Variants in PCDHAC1 observed in about 807,000 individuals in gnomAD.
The protein encoded by PCDHAC1 is protocadherin alpha subfamily C, 1, also known as protocadherin alpha-C1.
A neutral mutation model predicts 60.0 loss-of-function variants in PCDHAC1; 42 were observed. That is an observed-to-expected ratio of 0.70 (90% CI 0.55 to 0.90). The LOEUF (loss-of-function observed/expected upper bound fraction) is 0.90, where lower values mean the gene tolerates loss of function less well. PCDHAC1 is among the 40% of genes least tolerant of loss of function. The probability of loss-of-function intolerance (pLI) is 0.00; values close to 1 mark genes in which losing one functional copy is unlikely to be tolerated. For synonymous variants in PCDHAC1, 468 were observed against 499.3 expected (o/e 0.94, Z 0.84); for missense variants, 1,160 against 1,222.3 (o/e 0.95, Z 0.76).
intron 3 of PCDHAC1, among the ~76,000 whole-genome samples, chr5:141,002,059 G>T (rs983772482): frequency 6.6e-6 from 1 of 152,242 alleles, no homozygotes; most frequent in East Asian, 1.9e-4. Flanking sequence ...AGAGGCAGCA[G>T]CAGCCGCCAG....
chr5:140,967,087 G>A (rs782556858), intron 1 of PCDHAC1: 5 of 1,613,256 alleles, frequency 3.1e-6, no homozygotes, highest in South Asian at 1.1e-5. Flanking sequence ...GCATTGATCG[G>A]GAGGCGCTGT....
chr5:140,987,563 T>C (rs2097259374), intron 3 of PCDHAC1, among the ~76,000 whole-genome samples: 1 of 152,226 alleles, frequency 6.6e-6, no homozygotes, highest in Non-Finnish European at 1.5e-5. Context: ...ATTCTCAGTT[T>C]CTTTCTCTAT....
At chr5:140,933,338 G>T (rs2089065952) in intron 1 of PCDHAC1, among the ~76,000 whole-genome samples, 1 of 151,926 alleles carries the variant, frequency 6.6e-6, no homozygotes, top group South Asian at 2.1e-4. Context: ...TGTAGAGAAA[G>T]ATAAACACTT....
At chr5:140,952,180 T>C (rs1034052117) in intron 1 of PCDHAC1, among the ~76,000 whole-genome samples, 4 of 151,968 alleles carry the variant, frequency 2.6e-5, no homozygotes, top group Admixed American at 2.0e-4. Context: ...CTGCAGCTGC[T>C]CTCATGGGTT....
At chr5:140,996,087 G>C (rs1178912945) in intron 3 of PCDHAC1, among the ~76,000 whole-genome samples, 3 of 152,200 alleles carry the variant, frequency 2.0e-5, no homozygotes, top group Non-Finnish European at 4.4e-5. Flanking sequence ...GTTTTTGCTA[G>C]ATTACATGGA....
chr5:140,993,265 C>A (rs1196226593), intron 3 of PCDHAC1, among the ~76,000 whole-genome samples: 1 of 152,062 alleles, frequency 6.6e-6, no homozygotes, highest in Non-Finnish European at 1.5e-5. Flanking sequence ...AAATTAGCTT[C>A]TTTGGTCTTT....
At chr5:140,971,376 C>CT (rs1334633165) in intron 1 of PCDHAC1, among the ~76,000 whole-genome samples, 1 of 152,164 alleles carries the variant, frequency 6.6e-6, no homozygotes, top group Non-Finnish European at 1.5e-5. Context: ...GAGTGCATGA[C>CT]TTTAATAAAG....
intron 3 of PCDHAC1, among the ~76,000 whole-genome samples, chr5:141,000,634 G>A (rs1554257716): frequency 6.6e-6 from 1 of 150,928 alleles, no homozygotes; most frequent in Non-Finnish European, 1.5e-5. Context: ...CACCATGTTG[G>A]GCAGGCTGGT....
rs1343982131 is a variant in PCDHAC1 at position 140,927,295 on chromosome 5, G to T, written c.403G>T (p.Glu135Ter). Residue 135 changes from glutamate (E) to a stop codon, truncating the protein, a stop_gained, in exon 1 of 4, where the codon GAG (glutamate) becomes TAG (stop). Coordinates refer to ENST00000253807, the MANE Select transcript of PCDHAC1 (RefSeq NM_018898.5). LOFTEE classifies it high-confidence loss of function. Reference sequence around the variant, plus strand: ...CGGCGACGTGCAGCTGCACATCCCCGAGTTCCTGACGCCCGGAGCCCGCTT... The same window carrying T: ...CGGCGACGTGCAGCTGCACATCCCCTAGTTCCTGACGCCCGGAGCCCGCTT... Reference protein sequence around the residue: ...PAGDVQLHIPEFLTPGARFTL... With the variant: ...PAGDVQLHIP 2 of 1,614,032 alleles carry T rather than the reference G, an allele frequency of 1.2e-6. No homozygotes were observed. Among genetic ancestry groups the T allele is most frequent in the African/African-American group, 2.7e-5 (2 of 74,918 alleles).
rs79247475 is a variant in PCDHAC1 at position 140,982,540 on chromosome 5, C to G, written c.2558C>G (p.Pro853Arg). The G allele has an allele frequency of 4.3e-3, 6,927 of 1,614,122 alleles. 34 individuals are homozygous for G. The highest frequency in any genetic ancestry group is 5.0e-3 in the South Asian group (455 of 91,080). Residue 853 changes from proline to arginine, a missense_variant, in exon 3 of 4, where the codon CCA becomes CGA. Physicochemically the swap from Pro to Arg is moderately radical, Grantham distance 103. Around this residue, in one of 3 missense-constraint regions of PCDHAC1, gnomAD observed 1,113 missense variants for 1,163.7 expected, o/e 0.96. Transcript: ENST00000253807. ...AGPGGPDQQW[P>R]TVSSATPEPE... ...CCAGGAGGGCCTGATCAGCAGTGGC[C>G]AACAGTATCCAGTGCAACACCAGGT...
intron 1 of PCDHAC1, among the ~76,000 whole-genome samples, chr5:140,958,384 C>G (rs1352428582): frequency 6.6e-6 from 1 of 152,098 alleles, no homozygotes; most frequent in Non-Finnish European, 1.5e-5. Context: ...ATTTTCTTAA[C>G]AGGTCATCAA....
At chr5:140,982,213 A>G in intron 2 of PCDHAC1, 2 of 482,032 alleles carry the variant, frequency 4.1e-6, no homozygotes, top group South Asian at 8.1e-5. Context: ...TGAGCGCCAC[A>G]TGGCGTTAAT....
chr5:140,986,467 T>G (rs190246289), intron 3 of PCDHAC1, among the ~76,000 whole-genome samples: 4 of 152,196 alleles, frequency 2.6e-5, no homozygotes, highest in Non-Finnish European at 5.9e-5. Context: ...AATGCCCTCT[T>G]GTGATCAGTT....
chr5:140,944,277 C>T (rs922160593), intron 1 of PCDHAC1, among the ~76,000 whole-genome samples: 1 of 152,044 alleles, frequency 6.6e-6, no homozygotes, highest in Non-Finnish European at 1.5e-5. Flanking sequence ...AGCCTTGACA[C>T]CCCGGGCTCA....
intron 1 of PCDHAC1, among the ~76,000 whole-genome samples, chr5:140,977,127 C>T (rs1197401904): frequency 6.6e-6 from 1 of 152,168 alleles, no homozygotes; most frequent in East Asian, 1.9e-4. Flanking sequence ...AACTGAGTTT[C>T]CTGGTCAGTC....
chr5:140,994,732 G>T (rs1159331502), intron 3 of PCDHAC1, among the ~76,000 whole-genome samples: 3 of 152,114 alleles, frequency 2.0e-5, no homozygotes, highest in Non-Finnish European at 4.4e-5. Flanking sequence ...ACTGGGTATT[G>T]CAGGATGGCA....
In PCDHAC1 at chr5:141,011,865, G is replaced by A. The variant is rs372303007; in HGVS notation, c.*1928G>A. Reference sequence around the variant, plus strand: ...TAAGACATTTTAATTTTGTTATAATGTACAATTTAGAAGTTTGATTAATTA... The same window carrying A: ...TAAGACATTTTAATTTTGTTATAATATACAATTTAGAAGTTTGATTAATTA... On this transcript the variant is annotated 3_prime_UTR_variant, in exon 4 of 4. Coordinates refer to ENST00000253807, the MANE Select transcript of PCDHAC1 (RefSeq NM_018898.5). 40 of 153,574 alleles carry A rather than the reference G, an allele frequency of 2.6e-4. No individual in the cohort carries two copies. The highest frequency in any genetic ancestry group is 3.4e-3 in the Middle Eastern group (1 of 294). 9.5% of individuals were successfully genotyped at this position (153,574 alleles called of 1,614,324 possible).
At chr5:140,939,104 T>G (rs2092317491) in intron 1 of PCDHAC1, among the ~76,000 whole-genome samples, 1 of 152,160 alleles carries the variant, frequency 6.6e-6, no homozygotes, top group South Asian at 2.1e-4. Context: ...CAATAGAAAT[T>G]TATTTTTCAC....
In PCDHAC1 at chr5:140,945,865, A is replaced by T. The variant is rs184952981; in HGVS notation, c.2433+16540A>T. ...ATTAAAGACTTAAACATAGACCTGAAATTGTAAAACTAACAAAGAAAACAC... is the reference window on the plus strand; with the variant it reads ...ATTAAAGACTTAAACATAGACCTGATATTGTAAAACTAACAAAGAAAACAC... On this transcript the variant is annotated intron_variant, in intron 1 of 3. Coordinates refer to ENST00000253807, the MANE Select transcript of PCDHAC1 (RefSeq NM_018898.5). Among the ~76,000 whole-genome samples, 23 of 152,290 alleles carry T rather than the reference A, an allele frequency of 1.5e-4. No individual in the cohort carries two copies. The East Asian group carries it at 4.2e-3, about 28-fold the overall frequency.
Sources: allele counts gnomAD v4.1 joint callset (sites outside exome capture counted in the v4.1 genomes callset), GRCh38; gene constraint gnomAD v4.1.1; regional missense constraint gnomAD v4.1.1; transcripts MANE v1.5; gene names NCBI Gene and HGNC (gene_info 2026-07-23, HGNC 2026-07-21).